Variants in SRGAP1 observed in about 807,000 individuals in gnomAD.
The protein encoded by SRGAP1 is SLIT-ROBO Rho GTPase activating protein 1, also known as SLIT-ROBO Rho GTPase-activating protein 1.
Under a neutral mutation model 121.9 loss-of-function variants are expected in SRGAP1, and 43 were observed. The observed-to-expected ratio is 0.35, with a 90% CI of 0.28 to 0.46. SRGAP1 has a LOEUF of 0.46. Among genes scored for constraint, SRGAP1 ranks in the 20% least tolerant of loss-of-function variants. The pLI is 1.00. For synonymous variants in SRGAP1, 447 were observed against 485.4 expected, an observed-to-expected ratio of 0.92 and a Z score of 1.04; for missense variants, 1,102 against 1,350.9, an observed-to-expected ratio of 0.82 and a Z score of 2.89.
At chr12:63,943,220 AT>A (rs2031926961) in intron 1 of SRGAP1, among the ~76,000 whole-genome samples, 1 of 152,190 alleles carries the variant, frequency 6.6e-6, no homozygotes, top group Non-Finnish European at 1.5e-5. Context: ...AGCTGCAGAC[AT>A]TTTTTCTCAG....
chr12:63,868,637 C>T (rs1899747792), intron 1 of SRGAP1, among the ~76,000 whole-genome samples: 1 of 152,152 alleles, frequency 6.6e-6, no homozygotes, highest in African/African-American at 2.4e-5. Flanking sequence ...GCTAGGAGTA[C>T]AGCCATGAGC....
chr12:63,932,042 C>G (rs2031494578), intron 1 of SRGAP1, among the ~76,000 whole-genome samples: 1 of 152,178 alleles, frequency 6.6e-6, no homozygotes, highest in African/African-American at 2.4e-5. Flanking sequence ...ACTGAAAGCA[C>G]TGAGACAGGG....
chr12:63,883,503 T>C (rs559473767), intron 1 of SRGAP1, among the ~76,000 whole-genome samples: 12 of 152,250 alleles, frequency 7.9e-5, no homozygotes, highest in Middle Eastern at 3.4e-3. Context: ...AAATTAAATA[T>C]TGACATTTTG....
At chr12:64,080,709 T>G in intron 10 of SRGAP1, 1 of 379,590 alleles carries the variant, frequency 2.6e-6, no homozygotes, top group Non-Finnish European at 5.0e-6. Context: ...AGTCTCTTCT[T>G]CCTTCCCTTC....
intron 1 of SRGAP1, among the ~76,000 whole-genome samples, chr12:63,937,312 G>T (rs527763123): frequency 1.1e-4 from 16 of 152,238 alleles, no homozygotes; most frequent in Admixed American, 2.6e-4. Flanking sequence ...AAAAAGAGAG[G>T]CAGGTCTTTA....
chr12:63,921,867 C>G (rs945510767), intron 1 of SRGAP1, among the ~76,000 whole-genome samples: 2 of 152,006 alleles, frequency 1.3e-5, no homozygotes, highest in Non-Finnish European at 2.9e-5. Context: ...GATAGATAAA[C>G]TCTTCAAAAA....
intron 1 of SRGAP1, among the ~76,000 whole-genome samples, chr12:63,956,574 T>C (rs1300547273): frequency 6.6e-6 from 1 of 152,292 alleles, no homozygotes; most frequent in East Asian, 1.9e-4. Flanking sequence ...GAAATAGACA[T>C]ACTGAAAGAG....
chr12:64,100,425 C>T (rs2036235592), intron 15 of SRGAP1, among the ~76,000 whole-genome samples: 1 of 152,102 alleles, frequency 6.6e-6, no homozygotes, highest in Non-Finnish European at 1.5e-5. Context: ...ATGGAGATAT[C>T]TCATGTAAGG....
chr12:64,108,865 T>A (rs760384020), intron 15 of SRGAP1, 67 bp from the exon 16 acceptor site: 14 of 1,106,776 alleles, frequency 1.3e-5, no homozygotes, highest in Non-Finnish European at 1.7e-5. Context: ...GTAATACATG[T>A]ACTGCAGTGT....
At chr12:63,885,231 G>T (rs1900338231) in intron 1 of SRGAP1, among the ~76,000 whole-genome samples, 1 of 152,042 alleles carries the variant, frequency 6.6e-6, no homozygotes, top group South Asian at 2.1e-4. Flanking sequence ...TTCAACTTGG[G>T]GTTCTTATGA....
intron 3 of SRGAP1, among the ~76,000 whole-genome samples, chr12:64,013,866 A>C (rs1207525850): frequency 2.0e-5 from 3 of 152,192 alleles, no homozygotes; most frequent in Non-Finnish European, 4.4e-5. Flanking sequence ...GGGTCACCTG[A>C]AGGAATCTAA....
At chr12:63,880,702 G>A (rs1483254700) in intron 1 of SRGAP1, among the ~76,000 whole-genome samples, 1 of 152,116 alleles carries the variant, frequency 6.6e-6, no homozygotes, top group Non-Finnish European at 1.5e-5. Flanking sequence ...TCCATCCCCT[G>A]TGTTCTGGCA....
intron 2 of SRGAP1, among the ~76,000 whole-genome samples, chr12:63,989,094 G>A (rs1330027666): frequency 1.3e-5 from 2 of 152,200 alleles, no homozygotes; most frequent in Non-Finnish European, 2.9e-5. Flanking sequence ...ATAGGCGTGA[G>A]CCACCACGCC....
chr12:64,050,758 T>A (rs1320678363), intron 6 of SRGAP1, among the ~76,000 whole-genome samples: 1 of 152,150 alleles, frequency 6.6e-6, no homozygotes, highest in African/African-American at 2.4e-5. Flanking sequence ...GGAATCTTGC[T>A]CTGTTGCCCA....
At chr12:64,059,139 C>G (rs1156444602) in intron 6 of SRGAP1, among the ~76,000 whole-genome samples, 1 of 152,062 alleles carries the variant, frequency 6.6e-6, no homozygotes, top group South Asian at 2.1e-4. Context: ...TAGGAGGAAG[C>G]CACGATGAAA....
intron 1 of SRGAP1, among the ~76,000 whole-genome samples, chr12:63,889,196 T>C (rs535199168): frequency 6.6e-5 from 10 of 152,246 alleles, no homozygotes; most frequent in Non-Finnish European, 1.0e-4. Flanking sequence ...GGGCCAAGCA[T>C]AGAGTGGGGG....
intron 1 of SRGAP1, among the ~76,000 whole-genome samples, chr12:63,949,663 G>A (rs1325354212): frequency 2.0e-5 from 3 of 151,808 alleles, no homozygotes; most frequent in South Asian, 4.1e-4. Context: ...TCCTGACCTC[G>A]TGATCCGCCC....
Position 64,152,094 on chromosome 12 carries a change from A to G in SRGAP1, c.*9422A>G, listed in dbSNP as rs1023282382. 6.6e-6 allele frequency: 1 copy of G among 152,118 alleles called. No homozygotes were observed. Among genetic ancestry groups the G allele is most frequent in the Non-Finnish European group, 1.5e-5 (1 of 68,034 alleles). The allele number at this position is 152,118 out of a possible 1,614,324, so 9.4% of individuals were successfully genotyped here. A position where few individuals can be genotyped will look rare whatever the true frequency, so the allele number is the denominator to read the frequency against. ...AACAAAATGAGAAACCTAACAAACA[A>G]TCATTGAAAATGTACCATGTACTGA... On this transcript the variant is annotated 3_prime_UTR_variant, in exon 22 of 22. Transcript: ENST00000355086.
chr12:63,913,507 GT>G lies in SRGAP1; in HGVS notation c.67+68625del, dbSNP rs2030634566. Reference sequence around the variant, plus strand: ...TATATATATAAATACACATATATGTGTATATATATATACATATATGTGTGTA... The same window carrying G: ...TATATATATAAATACACATATATGTGATATATATATACATATATGTGTGTA... On this transcript the variant is annotated intron_variant, in intron 1 of 21. Coordinates refer to ENST00000355086, the MANE Select transcript of SRGAP1 (RefSeq NM_020762.4). Among the ~76,000 whole-genome samples, 38 of 130,938 alleles carry G rather than the reference GT, an allele frequency of 2.9e-4. No homozygotes were observed. In the Admixed American group the frequency reaches 3.0e-3, roughly 10 times the overall value. 85.9% of individuals were successfully genotyped at this position (130,938 alleles called of 152,430 possible).
Sources: gnomAD v4.1 joint callset for allele counts (sites outside exome capture counted in the v4.1 genomes callset) on GRCh38, gnomAD v4.1.1 for gene constraint, MANE v1.5 for transcripts, NCBI Gene and HGNC (gene_info 2026-07-23, HGNC 2026-07-21) for gene names.